The following ROBO1 variants were observed in gnomAD, a reference collection of about 807,000 sequenced individuals.
ROBO1 encodes the protein roundabout homolog 1.
In ROBO1, 149 loss-of-function variants were observed where a neutral mutation model predicts 195.9. The ratio of observed to expected loss-of-function variants is 0.76; its 90% CI spans 0.67 to 0.87. ROBO1 has a LOEUF of 0.87. ROBO1 is among the 40% of genes least tolerant of loss of function. The probability of loss-of-function intolerance (pLI) is 0.00; values close to 1 mark genes in which losing one functional copy is unlikely to be tolerated. For synonymous variants in ROBO1, 816 were observed against 733.2 expected, an observed-to-expected ratio of 1.11 and a Z score of -1.82; for missense variants, 1,933 against 2,068.3, an observed-to-expected ratio of 0.93 and a Z score of 1.27.
chr3:79,031,598 C>A (rs2078296673), intron 3 of ROBO1, among the ~76,000 whole-genome samples: 1 of 152,138 alleles, frequency 6.6e-6, no homozygotes, highest in South Asian at 2.1e-4. Flanking sequence ...ATCGCTAGCA[C>A]CTATTCTTTT....
At position 78,598,286 on chromosome 3, in the gene ROBO1, C is replaced by T. The variant is rs1412629205; in HGVS notation, c.*627G>A. Reference sequence around the variant, plus strand: ...ATATACTTCAATGATTGAAATGAAGCCAAAATAAAATACCACCAGGGTTTG... The same window carrying T: ...ATATACTTCAATGATTGAAATGAAGTCAAAATAAAATACCACCAGGGTTTG... On this transcript the variant is annotated 3_prime_UTR_variant, in exon 31 of 31. Transcript: ENST00000464233. 1.3e-5 allele frequency: 2 copies of T among 152,210 alleles called. No homozygotes were observed. The highest frequency in any genetic ancestry group is 4.8e-5 in the African/African-American group (2 of 41,418). The allele number at this position is 152,210 out of a possible 1,614,324, so 9.4% of individuals were successfully genotyped here.
At chr3:79,530,048 CTT>C (rs1023020473) in intron 2 of ROBO1, among the ~76,000 whole-genome samples, 6 of 152,004 alleles carry the variant, frequency 3.9e-5, no homozygotes, top group African/African-American at 1.4e-4. Context: ...GGAGAGATGT[CTT>C]TGACAATCAA....
At chr3:79,158,956 G>T (rs927934255) in intron 2 of ROBO1, among the ~76,000 whole-genome samples, 1 of 151,870 alleles carries the variant, frequency 6.6e-6, no homozygotes, top group Non-Finnish European at 1.5e-5. Flanking sequence ...TAGATTAGGT[G>T]CCATTCACTT....
chr3:79,246,755 A>G (rs548751022), intron 2 of ROBO1, among the ~76,000 whole-genome samples: 22 of 152,216 alleles, frequency 1.4e-4, no homozygotes, highest in Admixed American at 1.3e-3. Flanking sequence ...TATCTGATAT[A>G]TAACTAGAAC....
chr3:79,388,172 C>T (rs1463751772), intron 2 of ROBO1, among the ~76,000 whole-genome samples: 1 of 152,090 alleles, frequency 6.6e-6, no homozygotes. Context: ...AATACTTGTA[C>T]CCTTCTTTCT....
intron 3 of ROBO1, among the ~76,000 whole-genome samples, chr3:79,001,054 A>G (rs1027993656): frequency 1.3e-5 from 2 of 152,072 alleles, no homozygotes; most frequent in Non-Finnish European, 2.9e-5. Context: ...TCTCACTCAT[A>G]AGTGGGAGCT....
intron 5 of ROBO1, among the ~76,000 whole-genome samples, chr3:78,746,185 A>C (rs1026604233): frequency 6.6e-6 from 1 of 152,240 alleles, no homozygotes; most frequent in African/African-American, 2.4e-5. Flanking sequence ...ATAATTTCTT[A>C]CATCAGAGCA....
chr3:78,962,353 G>A (rs530603548), intron 3 of ROBO1, among the ~76,000 whole-genome samples: 26 of 151,546 alleles, frequency 1.7e-4, no homozygotes, highest in Non-Finnish European at 3.5e-4. Context: ...AAAAATATAA[G>A]TATAATTTTC....
chr3:79,010,717 A>C (rs1267154101), intron 3 of ROBO1, among the ~76,000 whole-genome samples: 1 of 152,126 alleles, frequency 6.6e-6, no homozygotes, highest in Non-Finnish European at 1.5e-5. Context: ...CAAATACCAC[A>C]ATGAGTTTCT....
In ROBO1 at chr3:79,589,899, G is replaced by T; in HGVS notation, c.13C>A (p.His5Asn). Reference sequence around the variant, plus strand: ...GATATCATGACCAAAAAAGGAACATGTTTCCATTTCATCTTTGTCCCTTCC... The same window carrying T: ...GATATCATGACCAAAAAAGGAACATTTTTCCATTTCATCTTTGTCCCTTCC... The part of the protein sequence containing the change: MKWK[H>N]VPFLVMISLL... The change falls in exon 2 of 31, where the codon CAT becomes AAT. Residue 5 changes from histidine to asparagine, a missense_variant. Physicochemically the swap from His to Asn is moderately conservative, Grantham distance 68. This residue lies in a region of ROBO1 where 185 missense variants were observed against 159.5 expected (regional missense o/e 1.16). Transcript: ENST00000464233. 1 of 1,610,042 alleles carries T rather than the reference G, an allele frequency of 6.2e-7. No homozygotes were observed. The highest frequency in any genetic ancestry group is 8.5e-7 in the Non-Finnish European group (1 of 1,177,132).
At chr3:78,855,293 T>A (rs1037348104) in intron 4 of ROBO1, among the ~76,000 whole-genome samples, 1 of 152,156 alleles carries the variant, frequency 6.6e-6, no homozygotes, top group African/African-American at 2.4e-5. Context: ...AGTGCCCAAG[T>A]TAGCATTCTG....
At chr3:78,801,548 A>G (rs2084371993) in intron 4 of ROBO1, among the ~76,000 whole-genome samples, 1 of 152,080 alleles carries the variant, frequency 6.6e-6, no homozygotes, top group African/African-American at 2.4e-5. Flanking sequence ...TATTTGGGCT[A>G]CAAATTTTTA....
At chr3:79,266,889 A>C (rs1054804495) in intron 2 of ROBO1, among the ~76,000 whole-genome samples, 2 of 151,652 alleles carry the variant, frequency 1.3e-5, no homozygotes, top group African/African-American at 2.4e-5. Context: ...AACTATTTAA[A>C]AATCTGCTCT....
At chr3:78,753,648 G>A (rs1045450190) in intron 4 of ROBO1, among the ~76,000 whole-genome samples, 3 of 152,178 alleles carry the variant, frequency 2.0e-5, no homozygotes, top group Non-Finnish European at 4.4e-5. Context: ...AGCTCCACAC[G>A]CGTTAGCTAT....
intron 3 of ROBO1, among the ~76,000 whole-genome samples, chr3:78,947,852 T>A (rs1409637386): frequency 6.6e-6 from 1 of 152,034 alleles, no homozygotes; most frequent in Non-Finnish European, 1.5e-5. Flanking sequence ...ACACCACCAA[T>A]CCCACAGAAA....
chr3:79,108,463 A>G (rs533499723), intron 3 of ROBO1, among the ~76,000 whole-genome samples: 1 of 151,928 alleles, frequency 6.6e-6, no homozygotes, highest in Admixed American at 6.6e-5. Flanking sequence ...GAAATGTATT[A>G]TATTAAAATA....
chr3:79,668,224 T>C (rs901801227), intron 1 of ROBO1, among the ~76,000 whole-genome samples: 1 of 151,842 alleles, frequency 6.6e-6, no homozygotes, highest in Admixed American at 6.6e-5. Context: ...AAGGGTAGAA[T>C]ATTATTTAAA....
chr3:79,058,260 A>T (rs540358187), intron 3 of ROBO1, among the ~76,000 whole-genome samples: 9 of 152,210 alleles, frequency 5.9e-5, no homozygotes, highest in Non-Finnish European at 1.2e-4. Context: ...TTTAAAAAAC[A>T]ATTGCTCCTC....
rs76996708 is a variant in ROBO1 at position 79,031,695 on chromosome 3, G to A, written c.173-92768C>T. On this transcript the variant is annotated intron_variant, in intron 3 of 30. Transcript: ENST00000464233. ...GTAATACACATAAAGCGCTTGTAAC[G>A]GAATTAGCAATCATCAAACATTAAT... Among the ~76,000 whole-genome samples the A allele has an allele frequency of 9.7e-3, 1,475 of 152,160 alleles. 7 individuals carry two copies. The highest frequency in any genetic ancestry group is 0.015 in the Non-Finnish European group (1,041 of 67,998).
Sources: allele counts gnomAD v4.1 joint callset (sites outside exome capture counted in the v4.1 genomes callset), GRCh38; gene constraint gnomAD v4.1.1; regional missense constraint gnomAD v4.1.1; transcripts MANE v1.5; gene names NCBI Gene and HGNC (gene_info 2026-07-23, HGNC 2026-07-21).